Variants in ARHGEF18 observed in about 807,000 individuals in gnomAD.
ARHGEF18 encodes the protein rho guanine nucleotide exchange factor 18.
ARHGEF18 carries 93 observed loss-of-function variants against 155.7 expected under a neutral mutation model. That is an observed-to-expected ratio of 0.60 (90% confidence interval 0.50 to 0.71). ARHGEF18 has a LOEUF of 0.71. Among genes scored for constraint, ARHGEF18 ranks in the 30% least tolerant of loss-of-function variants. The probability of loss-of-function intolerance (pLI) is 0.00; values close to 1 mark genes in which losing one functional copy is unlikely to be tolerated. For missense variants in ARHGEF18, 1,593 were observed against 1,816.1 expected, an observed-to-expected ratio of 0.88 and a Z score of 2.23; for synonymous variants, 742 against 753.1, an observed-to-expected ratio of 0.99 and a Z score of 0.24.
chr19:7,366,924 G>A (rs912076527), intron 2 of ARHGEF18, among the ~76,000 whole-genome samples: 1 of 151,556 alleles, frequency 6.6e-6, no homozygotes, highest in Non-Finnish European at 1.5e-5. Context: ...CACCACATCC[G>A]GCTAGTTGTT....
chr19:7,397,746 A>T (rs1324654787), intron 10 of ARHGEF18, among the ~76,000 whole-genome samples: 1 of 149,946 alleles, frequency 6.7e-6, no homozygotes, highest in Non-Finnish European at 1.5e-5. Context: ...AAAAAAAAAA[A>T]ATTTTTTTTG....
intron 10 of ARHGEF18, among the ~76,000 whole-genome samples, chr19:7,387,115 G>A (rs1306229597): frequency 6.6e-6 from 1 of 152,062 alleles, no homozygotes; most frequent in Non-Finnish European, 1.5e-5. Flanking sequence ...CCAGGGACTG[G>A]CAAACTGCAG....
At chr19:7,362,053 G>GGAGA (rs1969600213) in intron 1 of ARHGEF18, among the ~76,000 whole-genome samples, 1 of 45,058 alleles carries the variant, frequency 2.2e-5, no homozygotes, top group South Asian at 7.8e-4. Flanking sequence ...GAAGGAGAAG[G>GGAGA]AGAAGGAGAA....
At position 7,458,612 on chromosome 19, in the gene ARHGEF18, C is replaced by T. The variant is rs966571777; in HGVS notation, c.2282C>T (p.Pro761Leu). ...CTGATCAGCGCCTCCTTGCAAGGGC[C>T]GGAGATGTATGAAATCTACACGAGC... ...MFLISASLQGPEMYEIYTSSK... is the reference protein window; with the variant it reads ...MFLISASLQGLEMYEIYTSSK... The change falls in exon 19 of 29, where the codon CCG becomes CTG. Residue 761 changes from proline (P) to leucine (L), a missense_variant. Transcript: ENST00000668164. The T allele has an allele frequency of 4.3e-6, 7 of 1,614,056 alleles. No individual in the cohort carries two copies. Among genetic ancestry groups the T allele is most frequent in the East Asian group, 2.2e-5 (1 of 44,878 alleles).
chr19:7,391,473 G>T (rs1301887690), intron 10 of ARHGEF18, among the ~76,000 whole-genome samples: 1 of 151,942 alleles, frequency 6.6e-6, no homozygotes, highest in Non-Finnish European at 1.5e-5. Context: ...ATCCCTCCAC[G>T]CTTCTCTCCC....
chr19:7,407,699 AT>A (rs979987153), intron 10 of ARHGEF18, among the ~76,000 whole-genome samples: 2 of 151,866 alleles, frequency 1.3e-5, no homozygotes, highest in African/African-American at 4.8e-5. Flanking sequence ...GGGCCAGCAA[AT>A]TTTTTCTGTT....
At chr19:7,451,785 G>A (rs535679590) in intron 16 of ARHGEF18, among the ~76,000 whole-genome samples, 2 of 151,626 alleles carry the variant, frequency 1.3e-5, no homozygotes, top group South Asian at 4.2e-4. Flanking sequence ...ACAGTGGCAC[G>A]ATCTCGGCTC....
At chr19:7,466,792 A>C in intron 23 of ARHGEF18, 126 bp from the exon 24 acceptor site, 24 of 916,806 alleles carry the variant, frequency 2.6e-5, no homozygotes, top group South Asian at 3.4e-5. Flanking sequence ...CAACAAGAGC[A>C]GAATTCCGTC....
intron 10 of ARHGEF18, among the ~76,000 whole-genome samples, chr19:7,413,002 G>A (rs892914447): frequency 6.6e-6 from 1 of 152,136 alleles, no homozygotes; most frequent in Non-Finnish European, 1.5e-5. Context: ...GCAAGAACTG[G>A]AAAGCAAGTC....
chr19:7,379,415 C>T (rs1003200429), intron 7 of ARHGEF18, among the ~76,000 whole-genome samples: 2 of 152,264 alleles, frequency 1.3e-5, no homozygotes, highest in African/African-American at 4.8e-5. Flanking sequence ...AAAAATTAGC[C>T]AGGCGTGGTG....
chr19:7,396,573 G>C (rs773915714), intron 10 of ARHGEF18, among the ~76,000 whole-genome samples: 1 of 152,014 alleles, frequency 6.6e-6, no homozygotes, highest in Non-Finnish European at 1.5e-5. Context: ...AAATTAGCCG[G>C]GCATGGTAGC....
intron 3 of ARHGEF18, among the ~76,000 whole-genome samples, chr19:7,374,298 C>A (rs918779205): frequency 1.3e-5 from 2 of 152,032 alleles, no homozygotes; most frequent in African/African-American, 2.4e-5. Context: ...CAGAGGCAGC[C>A]CAAAAAACCC....
intron 10 of ARHGEF18, among the ~76,000 whole-genome samples, chr19:7,434,104 G>A (rs1397815341): frequency 1.2e-4 from 18 of 151,064 alleles, no homozygotes; most frequent in Admixed American, 1.1e-3. Context: ...CACCTGTTAC[G>A]AAAGCTTTGT....
In ARHGEF18 at chr19:7,470,023, C is replaced by G; in HGVS notation, c.3907C>G (p.Pro1303Ala). 6.2e-7 allele frequency: 1 copy of G among 1,612,862 alleles called. No homozygotes were observed. The highest frequency in any genetic ancestry group is 8.5e-7 in the Non-Finnish European group (1 of 1,179,834). Residue 1303 changes from proline (P) to alanine (A), a missense_variant, in exon 28 of 29, where the codon CCA becomes GCA. Physicochemically the swap from Pro to Ala is conservative, Grantham distance 27. Transcript: ENST00000668164. This position sits in a 1 kb window ranked among gnomAD's most constrained non-coding sequence, Gnocchi z 5.9. Reference protein sequence around the residue: ...ILPGRHSPAPPPDPGFPAPSP... With the variant: ...ILPGRHSPAPAPDPGFPAPSP... Reference sequence around the variant, plus strand: ...GCCCGGCAGACACAGTCCTGCGCCCCCACCAGGTGAGCCCCCACCCCCTGA... The same window carrying G: ...GCCCGGCAGACACAGTCCTGCGCCCGCACCAGGTGAGCCCCCACCCCCTGA...
At position 7,470,231 on chromosome 19, in the gene ARHGEF18, C is replaced by T. The variant is rs769776144; in HGVS notation, c.4019C>T (p.Ser1340Leu). 1.7e-5 allele frequency: 27 copies of T among 1,608,774 alleles called. No homozygotes were observed. Among genetic ancestry groups the T allele is most frequent in the Middle Eastern group, 1.6e-4 (1 of 6,064 alleles). Residue 1340 changes from serine to leucine, a missense_variant, in exon 29 of 29, where the codon TCG (serine) becomes TTG (leucine). Physicochemically the swap from Ser to Leu is moderately radical, Grantham distance 145. Transcript: ENST00000668164. The surrounding 1 kb of genome is among the most constrained non-coding windows in gnomAD (Gnocchi z 5.9). ...TALLPGPPAP[S>L]PLPATPLSAK... ...CTCCTGCCCGGGCCCCCAGCTCCCT[C>T]GCCACTGCCGGCCACACCACTCAGC...
intron 10 of ARHGEF18, among the ~76,000 whole-genome samples, chr19:7,428,960 C>T (rs898184747): frequency 1.3e-5 from 2 of 152,146 alleles, no homozygotes; most frequent in African/African-American, 4.8e-5. Context: ...CAAGGTGCAG[C>T]GAGGCTGTGC....
intron 19 of ARHGEF18, among the ~76,000 whole-genome samples, chr19:7,459,031 T>G (rs1335678198): frequency 1.3e-5 from 2 of 152,112 alleles, no homozygotes; most frequent in Non-Finnish European, 2.9e-5. Context: ...ACCAGCTGGC[T>G]TCCCCTCCCT....
chr19:7,417,987 T>TGG (rs929879243), intron 10 of ARHGEF18, among the ~76,000 whole-genome samples: 9 of 152,224 alleles, frequency 5.9e-5, no homozygotes, highest in African/African-American at 2.2e-4. Flanking sequence ...GATTTGGCCC[T>TGG]GGGGCCATAG....
Position 7,441,843 on chromosome 19 carries a change from T to A in ARHGEF18, c.1220-69T>A, listed in dbSNP as rs1600454990. 5 of 1,612,438 alleles carry A rather than the reference T, an allele frequency of 3.1e-6. No homozygotes were observed. In the South Asian group the frequency reaches 3.3e-5, roughly 11 times the overall value. On this transcript the variant is annotated intron_variant, in intron 12 of 28. Transcript: ENST00000668164. ...GGAAGAGCTGGGGCTCGTGTCAGCA[T>A]GTCTACGGGAGGGAATTGGGGTGGC...
Sources: allele counts gnomAD v4.1 joint callset (sites outside exome capture counted in the v4.1 genomes callset), GRCh38; gene constraint gnomAD v4.1.1; non-coding constraint Gnocchi (gnomAD v3.1); transcripts MANE v1.5; gene names NCBI Gene and HGNC (gene_info 2026-07-23, HGNC 2026-07-21).